The following SLC9A9 variants were observed in gnomAD, a reference collection of about 807,000 sequenced individuals.
SLC9A9 encodes sodium/hydrogen exchanger 9.
Under a neutral mutation model 77.8 loss-of-function variants are expected in SLC9A9, and 62 were observed. The ratio of observed to expected loss-of-function variants is 0.80; its 90% CI spans 0.65 to 0.98. The LOEUF (loss-of-function observed/expected upper bound fraction) is 0.98, where lower values mean the gene tolerates loss of function less well. SLC9A9 is among the 50% of genes least tolerant of loss of function. The probability of loss-of-function intolerance (pLI) is 0.00; values close to 1 mark genes in which losing one functional copy is unlikely to be tolerated. For missense variants in SLC9A9, 775 were observed against 774.9 expected (o/e 1.00, Z 0.00); for synonymous variants, 320 against 283.5 (o/e 1.13, Z -1.29).
chr3:143,493,397 T>C (rs1167093788), intron 11 of SLC9A9, among the ~76,000 whole-genome samples: 2 of 152,160 alleles, frequency 1.3e-5, no homozygotes, highest in Non-Finnish European at 2.9e-5. Context: ...AAGTCCAATG[T>C]CCACTCTAGG....
At chr3:143,416,087 T>G (rs183283340) in intron 12 of SLC9A9, among the ~76,000 whole-genome samples, 1 of 152,222 alleles carries the variant, frequency 6.6e-6, no homozygotes, top group Non-Finnish European at 1.5e-5. Flanking sequence ...GAATTAGAAA[T>G]GGAGCCTGAA....
chr3:143,276,348 C>T (rs1208782246), intron 14 of SLC9A9, among the ~76,000 whole-genome samples: 1 of 152,206 alleles, frequency 6.6e-6, no homozygotes, highest in Non-Finnish European at 1.5e-5. Flanking sequence ...TTTCCTGCTG[C>T]ATATACTTGT....
intron 14 of SLC9A9, among the ~76,000 whole-genome samples, chr3:143,330,392 A>G (rs972613286): frequency 6.6e-5 from 10 of 152,304 alleles, no homozygotes; most frequent in Non-Finnish European, 1.2e-4. Context: ...CTTTCTAAGG[A>G]AATGTTCCCA....
intron 11 of SLC9A9, among the ~76,000 whole-genome samples, chr3:143,475,016 T>C (rs13071357): frequency 6.6e-6 from 1 of 150,936 alleles, no homozygotes; most frequent in Non-Finnish European, 1.5e-5. Flanking sequence ...TGGAGTGCAG[T>C]GGCACGATCT....
intron 2 of SLC9A9, among the ~76,000 whole-genome samples, chr3:143,797,973 C>T (rs1395266311): frequency 1.3e-5 from 2 of 152,144 alleles, no homozygotes; most frequent in East Asian, 3.9e-4. Flanking sequence ...AGGGGACCAC[C>T]CTTGGGAGAT....
chr3:143,787,396 T>A (rs1005814066), intron 4 of SLC9A9, among the ~76,000 whole-genome samples: 2 of 152,196 alleles, frequency 1.3e-5, no homozygotes, highest in African/African-American at 4.8e-5. Context: ...CTTTTGCCTC[T>A]CCCCCAGAAA....
intron 4 of SLC9A9, among the ~76,000 whole-genome samples, chr3:143,789,647 T>C (rs73158073): frequency 0.012 from 1,778 of 152,166 alleles, 10 homozygotes; most frequent in Non-Finnish European, 0.019. Flanking sequence ...TCACCATATC[T>C]ATCCTAATTA....
chr3:143,514,678 C>A (rs72991983), intron 9 of SLC9A9, among the ~76,000 whole-genome samples: 3,099 of 152,308 alleles, frequency 0.02, 101 homozygotes, highest in African/African-American at 0.069. Context: ...CATGAACAAA[C>A]CTTGCTAGCT....
chr3:143,656,532 CT>C, intron 5 of SLC9A9, among the ~76,000 whole-genome samples: 1 of 152,296 alleles, frequency 6.6e-6, no homozygotes, highest in East Asian at 1.9e-4. Context: ...AGCCCCTTCC[CT>C]AGAATCTCCA....
intron 9 of SLC9A9, among the ~76,000 whole-genome samples, chr3:143,526,370 A>G (rs1398510393): frequency 6.6e-6 from 1 of 152,358 alleles, no homozygotes; most frequent in African/African-American, 2.4e-5. Context: ...GCTTAGGGGC[A>G]GGCTGCTCTG....
chr3:143,582,434 G>A (rs1033428559), intron 6 of SLC9A9, among the ~76,000 whole-genome samples: 14 of 152,088 alleles, frequency 9.2e-5, no homozygotes, highest in African/African-American at 2.9e-4. Context: ...TATCCTCACC[G>A]TCATCATCAT....
intron 14 of SLC9A9, among the ~76,000 whole-genome samples, chr3:143,312,021 A>G (rs1029694455): frequency 5.2e-5 from 8 of 152,386 alleles, no homozygotes; most frequent in African/African-American, 1.9e-4. Flanking sequence ...CAAAGCATTA[A>G]GCTCAGATTT....
intron 2 of SLC9A9, among the ~76,000 whole-genome samples, chr3:143,823,568 T>C (rs2009224797): frequency 6.6e-6 from 1 of 152,204 alleles, no homozygotes; most frequent in Non-Finnish European, 1.5e-5. Flanking sequence ...TTCTCCATTA[T>C]GTGATTATTT....
intron 14 of SLC9A9, among the ~76,000 whole-genome samples, chr3:143,358,675 C>A (rs372161748): frequency 2.5e-4 from 38 of 152,244 alleles, no homozygotes; most frequent in African/African-American, 8.7e-4. Flanking sequence ...TGTAACACTG[C>A]AAATCCATGC....
chr3:143,581,500 T>G (rs2037452071), intron 6 of SLC9A9, among the ~76,000 whole-genome samples: 1 of 152,038 alleles, frequency 6.6e-6, no homozygotes, highest in Admixed American at 6.6e-5. Flanking sequence ...CTTTCCTACC[T>G]TCCCTCCCTC....
At chr3:143,329,121 C>G (rs1472027914) in intron 14 of SLC9A9, among the ~76,000 whole-genome samples, 2 of 152,234 alleles carry the variant, frequency 1.3e-5, no homozygotes, top group Non-Finnish European at 2.9e-5. Flanking sequence ...TTAGCGCAGC[C>G]ATAACCCAAA....
At chr3:143,560,720 T>G (rs1012547548) in intron 8 of SLC9A9, among the ~76,000 whole-genome samples, 4 of 101,164 alleles carry the variant, frequency 4.0e-5, no homozygotes, top group Admixed American at 3.9e-4. Flanking sequence ...TGAATAAAAC[T>G]TTTTCCTTCA....
intron 12 of SLC9A9, among the ~76,000 whole-genome samples, chr3:143,424,670 C>A (rs895167965): frequency 6.6e-6 from 1 of 152,108 alleles, no homozygotes; most frequent in Non-Finnish European, 1.5e-5. Context: ...GGCCTGAAAC[C>A]TTTTAAAGTT....
Position 143,520,052 on chromosome 3 carries a change from A to C in SLC9A9, c.1090-24604T>G, listed in dbSNP as rs572131084. ...GGCTGGAGATGTATATTTGGAAACT[A>C]TCAGTAAATAAGTGGTATTTAAATT... On this transcript the variant is annotated intron_variant, in intron 9 of 15. Transcript: ENST00000316549. Among the ~76,000 whole-genome samples the C allele has an allele frequency of 3.3e-5, 5 of 152,346 alleles. No individual in the cohort carries two copies. The East Asian group carries it at 9.6e-4, about 29-fold the overall frequency.
Sources: allele counts gnomAD v4.1 joint callset (sites outside exome capture counted in the v4.1 genomes callset), GRCh38; gene constraint gnomAD v4.1.1; transcripts MANE v1.5; gene names NCBI Gene and HGNC (gene_info 2026-07-23, HGNC 2026-07-21).